XYLB: variants seen among roughly 807,000 people sequenced by gnomAD.
The protein encoded by XYLB is xylulose kinase.
XYLB carries 62 observed loss-of-function variants against 78.7 expected under a neutral mutation model. That is an observed-to-expected ratio of 0.79 (90% CI 0.64 to 0.97). The LOEUF is 0.97. Among genes scored for constraint, XYLB ranks in the 50% least tolerant of loss-of-function variants. The pLI, the probability that XYLB is intolerant of heterozygous loss-of-function variation, is 0.00. For synonymous variants in XYLB, 245 were observed against 247.4 expected (o/e 0.99, Z 0.09); for missense variants, 687 against 676.8 (o/e 1.02, Z -0.17).
In XYLB at chr3:38,365,674, C is replaced by CCCAG. The variant is rs1706216271; in HGVS notation, c.445_446insCCAG (p.Leu149ProfsTer22). 4 of 1,613,960 alleles carry CCCAG rather than the reference C, an allele frequency of 2.5e-6. No homozygotes were observed. The highest frequency in any genetic ancestry group is 3.4e-6 in the Non-Finnish European group (4 of 1,179,998). The stretch of plus-strand genomic sequence containing the variant: ...CAGCACCACAGCCCAGTGCCGCCAG[C>CCCAG]TGGAGGCTGCTGTGGGTGGTGCTCA... On this transcript the variant is annotated frameshift_variant, in exon 6 of 19. Transcript: ENST00000207870. LOFTEE classifies it high-confidence loss of function.
intron 18 of XYLB, among the ~76,000 whole-genome samples, chr3:38,408,081 A>AT (rs1708407008): frequency 6.6e-6 from 1 of 151,072 alleles, no homozygotes; most frequent in South Asian, 2.1e-4. Flanking sequence ...CAGAATATAC[A>AT]TTTTTTTCAG....
At chr3:38,402,364 A>G (rs1708154187) in intron 18 of XYLB, among the ~76,000 whole-genome samples, 1 of 152,190 alleles carries the variant, frequency 6.6e-6, no homozygotes, top group Non-Finnish European at 1.5e-5. Context: ...TCTGAAACGA[A>G]AGCTGTCATA....
downstream of XYLB, among the ~76,000 whole-genome samples, chr3:38,424,163 A>G (rs1029622440): frequency 5.3e-5 from 8 of 152,212 alleles, no homozygotes; most frequent in Non-Finnish European, 1.2e-4. Context: ...TCCAGAAAAG[A>G]TCCAGAAAAG....
downstream of XYLB, among the ~76,000 whole-genome samples, chr3:38,423,930 A>C (rs1393562473): frequency 6.6e-6 from 1 of 152,216 alleles, no homozygotes; most frequent in Admixed American, 6.5e-5. Context: ...GTAACCATAC[A>C]TAGGGATCAA....
At chr3:38,428,022 A>G in the XYLB span, among the ~76,000 whole-genome samples, 1 of 152,160 alleles carries the variant, frequency 6.6e-6, no homozygotes, top group Non-Finnish European at 1.5e-5. Flanking sequence ...GTAAATTTTC[A>G]TATGTTCTGT....
intron 9 of XYLB, chr3:38,372,301 G>A (rs901901860): frequency 7.7e-6 from 6 of 776,184 alleles, no homozygotes; most frequent in African/African-American, 3.8e-5. Flanking sequence ...GCTTACTGGT[G>A]TCCTGTTACC....
intron 18 of XYLB, among the ~76,000 whole-genome samples, chr3:38,411,876 C>G (rs913409627): frequency 6.6e-6 from 1 of 152,122 alleles, no homozygotes; most frequent in Non-Finnish European, 1.5e-5. Context: ...GTGACTCCTC[C>G]TGGTCCTGCC....
the XYLB span, among the ~76,000 whole-genome samples, chr3:38,450,836 C>G: frequency 6.6e-6 from 1 of 152,198 alleles, no homozygotes; most frequent in Admixed American, 6.5e-5. Flanking sequence ...GCTATTGCAA[C>G]AGTCCAGATA....
downstream of XYLB, among the ~76,000 whole-genome samples, chr3:38,425,383 C>G (rs972174786): frequency 1.6e-4 from 25 of 152,106 alleles, no homozygotes; most frequent in African/African-American, 5.8e-4. Context: ...CAAGGACAAG[C>G]CATTGTGGAA....
At chr3:38,348,105 A>G (rs557143979) in intron 1 of XYLB, among the ~76,000 whole-genome samples, 172 of 152,346 alleles carry the variant, frequency 1.1e-3, no homozygotes, top group Middle Eastern at 0.01. Context: ...CTGGACCACA[A>G]TCATGGCCTG....
chr3:38,451,686 G>C, the XYLB span: 1 of 152,244 alleles, frequency 6.6e-6, no homozygotes, highest in African/African-American at 2.4e-5. Flanking sequence ...GGTTTCAGTA[G>C]GACTCATAAG....
rs1237827939 is a variant in XYLB, at chr3:38,375,248, G to T, written c.993G>T (p.Met331Ile). ...FCNPVDSQHY[M>I]ALLCFKNGSL... ...ACCCGGTTGACTCCCAGCACTACATGGCACTCCTGTGGTGAGCTTGGGTGT... is the reference window on the plus strand; with the variant it reads ...ACCCGGTTGACTCCCAGCACTACATTGCACTCCTGTGGTGAGCTTGGGTGT... Residue 331 changes from methionine to isoleucine, a missense_variant, in exon 12 of 19, where the codon ATG becomes ATT. Coordinates refer to ENST00000207870, the MANE Select transcript of XYLB (RefSeq NM_005108.4). 1 of 1,614,140 alleles carries T rather than the reference G, an allele frequency of 6.2e-7. No homozygotes were observed. The highest frequency in any genetic ancestry group is 1.1e-5 in the South Asian group (1 of 91,076).
chr3:38,379,451 G>A (rs552690763), intron 15 of XYLB, 109 bp downstream of exon 15: 34 of 1,065,480 alleles, frequency 3.2e-5, no homozygotes, highest in Non-Finnish European at 4.5e-5. Context: ...CTTACAGGGG[G>A]ACTTGTGCAG....
chr3:38,356,282 GT>G (rs1705650351), intron 2 of XYLB: 2 of 151,946 alleles, frequency 1.3e-5, no homozygotes, highest in Non-Finnish European at 2.9e-5. Context: ...AGAAAATACT[GT>G]TTCTATTGAA....
intron 18 of XYLB, among the ~76,000 whole-genome samples, chr3:38,404,598 C>T (rs1377801811): frequency 6.6e-6 from 1 of 152,196 alleles, no homozygotes; most frequent in African/African-American, 2.4e-5. Flanking sequence ...GGATGGATCA[C>T]ATGAGGTCAG....
At chr3:38,373,444 GTCT>G (rs1332604817) in intron 10 of XYLB, among the ~76,000 whole-genome samples, 1 of 152,176 alleles carries the variant, frequency 6.6e-6, no homozygotes, top group African/African-American at 2.4e-5. Flanking sequence ...TGTCCTTTCA[GTCT>G]TCTTTCTGTG....
In XYLB at chr3:38,379,307, A is replaced by G. The variant is rs748778131; in HGVS notation, c.1256A>G (p.Lys419Arg). ...RALIEGQFMA[K>R]RIHAEGLGYR... is the part of the protein sequence containing the mutation. ...CTAATTGAAGGACAATTCATGGCCA[A>G]GAGGATTCACGCAGAAGGCCTGGGC... The change falls in exon 15 of 19, where the codon AAG becomes AGG. Residue 419 changes from lysine (K) to arginine (R), a missense_variant. Coordinates refer to ENST00000207870, the MANE Select transcript of XYLB (RefSeq NM_005108.4). 6.2e-7 allele frequency: 1 copy of G among 1,614,168 alleles called. No homozygotes were observed. Among genetic ancestry groups the G allele is most frequent in the South Asian group, 1.1e-5 (1 of 91,086 alleles).
chr3:38,439,728 C>T, the XYLB span, among the ~76,000 whole-genome samples: 4 of 150,596 alleles, frequency 2.7e-5, no homozygotes, highest in Admixed American at 2.0e-4. Flanking sequence ...CGCCACTGCA[C>T]TCTGGCCTGG....
chr3:38,419,541 GT>G (rs1179465865), downstream of XYLB, among the ~76,000 whole-genome samples: 1 of 118,528 alleles, frequency 8.4e-6, no homozygotes, highest in African/African-American at 2.9e-5. Context: ...CAGGGATCTA[GT>G]TTCTCTACAT....
Sources: allele counts gnomAD v4.1 joint callset (sites outside exome capture counted in the v4.1 genomes callset), GRCh38; gene constraint gnomAD v4.1.1; transcripts MANE v1.5; gene names NCBI Gene and HGNC (gene_info 2026-07-23, HGNC 2026-07-21).